Variants in CNTNAP5 observed in about 807,000 individuals in gnomAD.
CNTNAP5 encodes the protein contactin-associated protein-like 5.
A neutral mutation model predicts 150.2 loss-of-function variants in CNTNAP5; 72 were observed. That is an observed-to-expected ratio of 0.48 (90% CI 0.40 to 0.58). CNTNAP5 has a LOEUF of 0.58. Ranked by LOEUF, CNTNAP5 falls within the 20% of genes least tolerant of loss-of-function variation. The pLI is 0.00. For missense variants in CNTNAP5, 1,636 were observed against 1,626.2 expected (o/e 1.01, Z -0.10); for synonymous variants, 672 against 619.8 (o/e 1.08, Z -1.25).
At position 124,674,509 on chromosome 2, in the gene CNTNAP5, CTCTTTCTTTCTTTCTT is replaced by C. The variant is rs768888927; in HGVS notation, c.2077+26580_2077+26595del. 5.7e-3 allele frequency among the ~76,000 whole-genome samples: 658 copies of C among 115,448 alleles called. 7 individuals are homozygous for C. Among genetic ancestry groups the C allele is most frequent in the African/African-American group, 0.019 (602 of 31,978 alleles). The allele number at this position is 115,448 out of a possible 152,430, so 75.7% of individuals were successfully genotyped here. ...CCCTCTCTACTTCCTTTCTTTCTTTCTCTTTCTTTCTTTCTTTCTTTCTTTCTTTCTTTCTTTCTTT... is the reference window on the plus strand; with the variant it reads ...CCCTCTCTACTTCCTTTCTTTCTTTCTCTTTCTTTCTTTCTTTCTTTCTTT... On this transcript the variant is annotated intron_variant, in intron 13 of 23. Transcript: ENST00000682447.
intron 3 of CNTNAP5, among the ~76,000 whole-genome samples, chr2:124,360,376 G>T (rs1037291264): frequency 6.7e-6 from 1 of 148,440 alleles, no homozygotes; most frequent in Admixed American, 6.8e-5. Flanking sequence ...TATTATGCTC[G>T]TTAGTTGATG....
intron 11 of CNTNAP5, among the ~76,000 whole-genome samples, chr2:124,589,813 C>A (rs1696639950): frequency 6.6e-6 from 1 of 152,186 alleles, no homozygotes; most frequent in Non-Finnish European, 1.5e-5. Context: ...CTTGCACAAT[C>A]ACTGCCATAA....
rs574862945 is a variant in CNTNAP5 at position 124,683,699 on chromosome 2, A to G, written c.2077+35741A>G. ...CGTTAATCACTAGAAACAAGGGAAT[A>G]TTTGTGGCTTTGCTCATGTTAACTT... On this transcript the variant is annotated intron_variant, in intron 13 of 23. Coordinates refer to ENST00000682447, the MANE Select transcript of CNTNAP5 (RefSeq NM_001367498.1). Among the ~76,000 whole-genome samples the G allele has an allele frequency of 1.1e-4, 17 of 152,306 alleles. No homozygotes were observed. In the East Asian group the frequency reaches 3.1e-3, roughly 28 times the overall value.
intron 7 of CNTNAP5, among the ~76,000 whole-genome samples, chr2:124,475,256 G>T (rs1693613873): frequency 6.6e-6 from 1 of 152,002 alleles, no homozygotes; most frequent in Admixed American, 6.6e-5. Flanking sequence ...TTACATATAT[G>T]TCTACTTATT....
At chr2:124,096,904 G>A (rs1429862227) in intron 1 of CNTNAP5, among the ~76,000 whole-genome samples, 1 of 151,616 alleles carries the variant, frequency 6.6e-6, no homozygotes, top group South Asian at 2.1e-4. Context: ...GGGTTTCACC[G>A]TGTTCCCCAG....
intron 3 of CNTNAP5, among the ~76,000 whole-genome samples, chr2:124,370,279 C>T (rs115477189): frequency 3.1e-3 from 471 of 152,064 alleles, no homozygotes; most frequent in African/African-American, 0.011. Flanking sequence ...TTTTGGAAAA[C>T]GAAGACAAAG....
Position 124,798,081 on chromosome 2 carries a change from T to G in CNTNAP5, c.2993-15T>G, listed in dbSNP as rs1456952274. 1 of 1,585,088 alleles carries G rather than the reference T, an allele frequency of 6.3e-7. No homozygotes were observed. Among genetic ancestry groups the G allele is most frequent in the African/African-American group, 1.3e-5 (1 of 74,464 alleles). On this transcript the variant is annotated splice_polypyrimidine_tract_variant and intron_variant, in intron 18 of 23. Coordinates refer to ENST00000682447, the MANE Select transcript of CNTNAP5 (RefSeq NM_001367498.1). ...AAAGGTTTCAATGTGTGCTCTCCCC[T>G]CTTATATTTTGCAGAGGTTTCTGCT...
intron 11 of CNTNAP5, among the ~76,000 whole-genome samples, chr2:124,581,223 G>A (rs914357977): frequency 2.2e-4 from 33 of 152,116 alleles, no homozygotes; most frequent in African/African-American, 6.3e-4. Context: ...ATTCTTCTCC[G>A]AACATGAGTC....
intron 3 of CNTNAP5, among the ~76,000 whole-genome samples, chr2:124,316,804 C>CAAAAAAAAAAA (rs56812690): frequency 1.8e-5 from 1 of 54,768 alleles, no homozygotes; most frequent in Non-Finnish European, 3.3e-5. Context: ...GACTCCATCT[C>CAAAAAAAAAAA]AAAAAAAAAA....
intron 3 of CNTNAP5, among the ~76,000 whole-genome samples, chr2:124,286,789 A>G (rs1467846923): frequency 6.6e-6 from 1 of 152,132 alleles, no homozygotes; most frequent in Non-Finnish European, 1.5e-5. Context: ...CAGGGTTTGC[A>G]CTGTGTTTTC....
At chr2:124,813,479 C>T (rs1006566581) in intron 19 of CNTNAP5, among the ~76,000 whole-genome samples, 1 of 151,794 alleles carries the variant, frequency 6.6e-6, no homozygotes, top group Non-Finnish European at 1.5e-5. Flanking sequence ...TTACTGTATC[C>T]TGATGAACCC....
At chr2:124,392,687 CAA>C (rs35107442) in intron 3 of CNTNAP5, among the ~76,000 whole-genome samples, 5,995 of 68,704 alleles carry the variant, frequency 0.087, 45 homozygotes, top group East Asian at 0.11. Flanking sequence ...TTTTCTTTGC[CAA>C]AAAAAAAAAA....
intron 1 of CNTNAP5, among the ~76,000 whole-genome samples, chr2:124,092,065 CG>C (rs1388157371): frequency 1.3e-5 from 2 of 152,152 alleles, no homozygotes; most frequent in African/African-American, 4.8e-5. Context: ...ATCTTTTTAT[CG>C]TATTATCCTT....
rs183442933 is a variant in CNTNAP5 at position 124,539,915 on chromosome 2, A to G, written c.1649+12459A>G. On this transcript the variant is annotated intron_variant, in intron 10 of 23. Transcript: ENST00000682447. ...CTAGGTTTAGCTTCATCTTAAAAAT[A>G]TCTCTTGGACATGATTTACTAAGCC... Among the ~76,000 whole-genome samples the G allele has an allele frequency of 4.6e-5, 7 of 152,328 alleles. No homozygotes were observed. The East Asian group carries it at 9.6e-4, about 21-fold the overall frequency.
At chr2:124,437,462 G>A (rs1215019099) in intron 5 of CNTNAP5, among the ~76,000 whole-genome samples, 1 of 152,042 alleles carries the variant, frequency 6.6e-6, no homozygotes, top group Admixed American at 6.6e-5. Flanking sequence ...ATAGTGATTA[G>A]TGTAGCTACT....
intron 8 of CNTNAP5, among the ~76,000 whole-genome samples, chr2:124,507,317 G>T (rs913307093): frequency 1.3e-5 from 2 of 151,986 alleles, no homozygotes; most frequent in African/African-American, 2.4e-5. Flanking sequence ...AATTAGCCGG[G>T]CATGTGGGTG....
chr2:124,139,455 G>C (rs1039148078), intron 1 of CNTNAP5, among the ~76,000 whole-genome samples: 2 of 152,032 alleles, frequency 1.3e-5, no homozygotes, highest in African/African-American at 2.4e-5. Context: ...AGAGTAGTTC[G>C]CACCATGATC....
intron 20 of CNTNAP5, among the ~76,000 whole-genome samples, chr2:124,865,948 A>C (rs553682033): frequency 6.7e-6 from 1 of 148,350 alleles, no homozygotes; most frequent in South Asian, 2.2e-4. Context: ...CATTAAAAAA[A>C]AAAATTAAAA....
intron 10 of CNTNAP5, among the ~76,000 whole-genome samples, chr2:124,555,735 C>A (rs17392162): frequency 0.021 from 3,143 of 152,240 alleles, 62 homozygotes; most frequent in Non-Finnish European, 0.032. Context: ...AAAACTCTGT[C>A]ATGTGCAAAA....
Sources: allele counts gnomAD v4.1 joint callset (sites outside exome capture counted in the v4.1 genomes callset), GRCh38; gene constraint gnomAD v4.1.1; transcripts MANE v1.5; gene names NCBI Gene and HGNC (gene_info 2026-07-23, HGNC 2026-07-21).